Variants in RPS6KA2 observed in about 807,000 individuals in gnomAD.
RPS6KA2 encodes ribosomal protein S6 kinase alpha-2.
A neutral mutation model predicts 91.8 loss-of-function variants in RPS6KA2; 42 were observed. The ratio of observed to expected loss-of-function variants is 0.46; its 90% CI spans 0.36 to 0.59. The LOEUF is 0.59. Ranked by LOEUF, RPS6KA2 falls within the 20% of genes least tolerant of loss-of-function variation. The pLI, the probability that RPS6KA2 is intolerant of heterozygous loss-of-function variation, is 0.00. For synonymous variants in RPS6KA2, 414 were observed against 393.6 expected (o/e 1.05, Z -0.61); for missense variants, 798 against 978.5 (o/e 0.82, Z 2.46).
intron 2 of RPS6KA2, among the ~76,000 whole-genome samples, chr6:166,650,418 T>C (rs1457730599): frequency 2.6e-5 from 4 of 151,850 alleles, no homozygotes; most frequent in African/African-American, 9.7e-5. Context: ...CCGTCCTCTT[T>C]TCACGGCCAT....
intron 2 of RPS6KA2, among the ~76,000 whole-genome samples, chr6:166,754,513 G>C (rs779527997): frequency 3.3e-5 from 5 of 152,144 alleles, no homozygotes; most frequent in Non-Finnish European, 7.4e-5. Flanking sequence ...GGTTGCCCTC[G>C]CTGGCTGGTA....
At position 166,626,645 on chromosome 6, in the gene RPS6KA2, TC is replaced by T. The variant is rs556646652; in HGVS notation, c.99+275del. On this transcript the variant is annotated intron_variant, in intron 1 of 20. Coordinates refer to ENST00000265678, the MANE Select transcript of RPS6KA2 (RefSeq NM_021135.6). This position sits in a 1 kb window ranked among gnomAD's most constrained non-coding sequence, Gnocchi z 4.1. ...GCTCCCTGTGGCCCACAGGGGACCATCCCACACCCCGTGCAGCCAGCGGCGG... is the reference window on the plus strand; with the variant it reads ...GCTCCCTGTGGCCCACAGGGGACCATCCACACCCCGTGCAGCCAGCGGCGG... 1.3e-3 allele frequency among the ~76,000 whole-genome samples: 204 copies of T among 152,224 alleles called. No homozygotes were observed. Among genetic ancestry groups the T allele is most frequent in the African/African-American group, 4.7e-3 (194 of 41,552 alleles).
intron 1 of RPS6KA2, among the ~76,000 whole-genome samples, chr6:166,606,501 A>G (rs1291584291): frequency 6.6e-6 from 1 of 152,250 alleles, no homozygotes; most frequent in Non-Finnish European, 1.5e-5. Flanking sequence ...TATGGTTAAC[A>G]CAGAAGTTAT....
At chr6:166,479,784 C>A (rs1781122216) in intron 10 of RPS6KA2, among the ~76,000 whole-genome samples, 1 of 152,254 alleles carries the variant, frequency 6.6e-6, no homozygotes, top group African/African-American at 2.4e-5. Flanking sequence ...GCTGTAGGAG[C>A]TGCTTGCCTG....
At chr6:166,758,246 G>T (rs1778072881) in intron 2 of RPS6KA2, among the ~76,000 whole-genome samples, 1 of 152,072 alleles carries the variant, frequency 6.6e-6, no homozygotes, top group Non-Finnish European at 1.5e-5. Flanking sequence ...GTGCGAGGAT[G>T]TCATCACCCT....
intron 2 of RPS6KA2, among the ~76,000 whole-genome samples, chr6:166,652,635 A>C (rs1787886540): frequency 6.6e-6 from 1 of 151,742 alleles, no homozygotes. Context: ...GACCAACTCA[A>C]CTCTGATCTC....
Position 166,591,340 on chromosome 6 carries a change from C to T in RPS6KA2, c.99+35581G>A, listed in dbSNP as rs1362212982. On this transcript the variant is annotated intron_variant, in intron 1 of 20. Transcript: ENST00000265678. ...CAGTCACAGTGTGGCTGCTTCCGTC[C>T]AAATGGCGCTCGGCATGGGCATGGT... Among the ~76,000 whole-genome samples, 5 of 152,200 alleles carry T rather than the reference C, an allele frequency of 3.3e-5. No homozygotes were observed. The East Asian group carries it at 9.6e-4, about 29-fold the overall frequency.
At position 166,612,794 on chromosome 6, in the gene RPS6KA2, C is replaced by T. The variant is rs761009965; in HGVS notation, c.99+14127G>A. Among the ~76,000 whole-genome samples the T allele has an allele frequency of 3.3e-5, 5 of 152,196 alleles. No individual in the cohort carries two copies. The highest frequency in any genetic ancestry group is 5.9e-5 in the Non-Finnish European group (4 of 68,042). On this transcript the variant is annotated intron_variant, in intron 1 of 20. Coordinates refer to ENST00000265678, the MANE Select transcript of RPS6KA2 (RefSeq NM_021135.6). This position sits in a 1 kb window ranked among gnomAD's most constrained non-coding sequence, Gnocchi z 4.3. ...AGTGGCCACTGCCAAATTTACTCCA[C>T]ATCAGCCTCTCTCTCTCCATGCCCT...
chr6:166,616,300 T>G (rs911605278), intron 1 of RPS6KA2, among the ~76,000 whole-genome samples: 1 of 152,104 alleles, frequency 6.6e-6, no homozygotes, highest in African/African-American at 2.4e-5. Flanking sequence ...AGAGCCAGAA[T>G]TCACAACATG....
chr6:166,516,730 G>A (rs1782655274), intron 3 of RPS6KA2, among the ~76,000 whole-genome samples: 1 of 152,200 alleles, frequency 6.6e-6, no homozygotes. Flanking sequence ...AGGCTCGGCA[G>A]GGCCCACGGG....
At chr6:166,453,234 A>C (rs1273042758) in intron 12 of RPS6KA2, among the ~76,000 whole-genome samples, 1 of 144,792 alleles carries the variant, frequency 6.9e-6, no homozygotes, top group Non-Finnish European at 1.5e-5. Context: ...CACACACAAA[A>C]AGGCTTTAAG....
Position 166,626,998 on chromosome 6 carries a change from A to C in RPS6KA2, c.22T>G (p.Phe8Val). Residue 8 changes from phenylalanine to valine, a missense_variant, in exon 1 of 21, where the codon TTC (phenylalanine) becomes GTC (valine). Phe to Val is a conservative substitution (Grantham distance 50). Coordinates refer to ENST00000265678, the MANE Select transcript of RPS6KA2 (RefSeq NM_021135.6). The surrounding 1 kb of genome is among the most constrained non-coding windows in gnomAD (Gnocchi z 4.1). Reference protein sequence around the residue: MDLSMKKFAVRRFFSVYL... With the variant: MDLSMKKVAVRRFFSVYL... ...ACAGAGAAGAACCTGCGCACGGCGA[A>C]CTTCTTCATGCTCAGGTCCATCGCC... The C allele has an allele frequency of 6.5e-7, 1 of 1,548,970 alleles. No individual in the cohort carries two copies. Among genetic ancestry groups the C allele is most frequent in the Non-Finnish European group, 8.7e-7 (1 of 1,146,334 alleles).
chr6:166,721,459 A>G (rs1418973358), intron 2 of RPS6KA2, among the ~76,000 whole-genome samples: 1 of 152,246 alleles, frequency 6.6e-6, no homozygotes, highest in Admixed American at 6.5e-5. Context: ...CCCTTGCCAG[A>G]GATTTTACCA....
chr6:166,647,820 ACACACATGCACATGCTCACACACG>A (rs1787667749), intron 2 of RPS6KA2, among the ~76,000 whole-genome samples: 1 of 129,956 alleles, frequency 7.7e-6, no homozygotes, highest in Non-Finnish European at 1.7e-5. Context: ...ACACATGCTC[ACACACATGCACATGCTCACACACG>A]CACACGCACA....
chr6:166,654,538 G>C (rs6909011), intron 2 of RPS6KA2, among the ~76,000 whole-genome samples: 21,094 of 152,130 alleles, frequency 0.14, 1,506 homozygotes, highest in East Asian at 0.19. Flanking sequence ...AGTACACAAT[G>C]TCCCCAGTTT....
At chr6:166,491,943 T>C (rs1274487736) in intron 8 of RPS6KA2, among the ~76,000 whole-genome samples, 1 of 152,200 alleles carries the variant, frequency 6.6e-6, no homozygotes, top group Non-Finnish European at 1.5e-5. Flanking sequence ...TTAACAAACA[T>C]GGATATGACA....
intron 1 of RPS6KA2, among the ~76,000 whole-genome samples, chr6:166,545,255 C>T (rs1783789560): frequency 6.6e-6 from 1 of 152,330 alleles, no homozygotes. Flanking sequence ...AAGCAATGTG[C>T]AGGAACAGGG....
intron 10 of RPS6KA2, among the ~76,000 whole-genome samples, chr6:166,486,234 T>C (rs765112109): frequency 4.6e-5 from 7 of 151,734 alleles, no homozygotes; most frequent in Non-Finnish European, 7.4e-5. Flanking sequence ...CTCTAAGCCA[T>C]GAACCCCACA....
intron 2 of RPS6KA2, among the ~76,000 whole-genome samples, chr6:166,792,507 G>C (rs1011017705): frequency 6.6e-6 from 1 of 151,702 alleles, no homozygotes; most frequent in Non-Finnish European, 1.5e-5. Context: ...CATTTTATGA[G>C]GCCAGCATCA....
Sources: allele counts gnomAD v4.1 joint callset (sites outside exome capture counted in the v4.1 genomes callset), GRCh38; gene constraint gnomAD v4.1.1; non-coding constraint Gnocchi (gnomAD v3.1); transcripts MANE v1.5; gene names NCBI Gene and HGNC (gene_info 2026-07-23, HGNC 2026-07-21).